HELZ: variants seen among roughly 807,000 people sequenced by gnomAD.
HELZ encodes ATP-dependent RNA helicase with zinc finger domain.
HELZ carries 23 observed loss-of-function variants against 218.2 expected under a neutral mutation model. The observed-to-expected ratio is 0.11, with a 90% CI of 0.08 to 0.15. The LOEUF is 0.15. Ranked by LOEUF, HELZ falls within the 10% of genes least tolerant of loss-of-function variation. The pLI is 1.00. For missense variants in HELZ, 1,813 were observed against 2,353.7 expected (o/e 0.77, Z 4.75); for synonymous variants, 814 against 829.4 (o/e 0.98, Z 0.32).
At chr17:67,118,066 A>G (rs1352813583) in intron 27 of HELZ, among the ~76,000 whole-genome samples, 1 of 152,180 alleles carries the variant, frequency 6.6e-6, no homozygotes, top group Non-Finnish European at 1.5e-5. Flanking sequence ...AATGCAAAAG[A>G]CCTGGAATAG....
chr17:67,197,674 C>G (rs1281792414), intron 7 of HELZ, among the ~76,000 whole-genome samples: 2 of 152,198 alleles, frequency 1.3e-5, no homozygotes, highest in Non-Finnish European at 2.9e-5. Context: ...AAGATGAAAT[C>G]TGGAATATCT....
intron 23 of HELZ, among the ~76,000 whole-genome samples, chr17:67,129,172 A>G (rs148277040): frequency 2.6e-5 from 4 of 152,230 alleles, no homozygotes; most frequent in East Asian, 1.9e-4. Flanking sequence ...TACCCATATA[A>G]TAAGTTTTCA....
chr17:67,160,880 G>T lies in HELZ; in HGVS notation c.2075+17C>A. 1 of 1,563,918 alleles carries T rather than the reference G, an allele frequency of 6.4e-7. No homozygotes were observed. The highest frequency in any genetic ancestry group is 8.7e-7 in the Non-Finnish European group (1 of 1,151,718). ...TATCCTACCAGGGAAATATGAGCAC[G>T]CTTCCCACCCTCTCACCTAGTCTCC... On this transcript the variant is annotated intron_variant, in intron 16 of 32. Coordinates refer to ENST00000358691, the MANE Select transcript of HELZ (RefSeq NM_014877.4).
Position 67,128,767 on chromosome 17 carries a change from C to T in HELZ, c.3271G>A (p.Ala1091Thr). Reference sequence around the variant, plus strand: ...ACATATGTCTTCTTTAGTTCTAAAGCCTCTAACTGGGCTTTGATCTGTTCA... The same window carrying T: ...ACATATGTCTTCTTTAGTTCTAAAGTCTCTAACTGGGCTTTGATCTGTTCA... ...TFEQIKAQLE[A>T]LELKKTYVLN... is the part of the protein sequence containing the mutation. The change falls in exon 24 of 33, where the codon GCT (alanine) becomes ACT (threonine). Residue 1091 changes from alanine to threonine, a missense_variant. Coordinates refer to ENST00000358691, the MANE Select transcript of HELZ (RefSeq NM_014877.4). The T allele has an allele frequency of 6.2e-7, 1 of 1,614,042 alleles. No individual in the cohort carries two copies. The highest frequency in any genetic ancestry group is 1.6e-4 in the Middle Eastern group (1 of 6,062).
At chr17:67,154,920 C>A (rs1182090244) in intron 17 of HELZ, among the ~76,000 whole-genome samples, 2 of 152,146 alleles carry the variant, frequency 1.3e-5, no homozygotes, top group Non-Finnish European at 2.9e-5. Flanking sequence ...GATTTCTGAT[C>A]CTGGCCTACC....
At chr17:67,228,613 G>A (rs1322861682) in intron 3 of HELZ, among the ~76,000 whole-genome samples, 2 of 150,324 alleles carry the variant, frequency 1.3e-5, no homozygotes, top group African/African-American at 4.9e-5. Context: ...AGTGAGCAGA[G>A]ATCACCCCAC....
Position 67,201,196 on chromosome 17 carries a change from G to A in HELZ, c.373-11C>T. On this transcript the variant is annotated splice_polypyrimidine_tract_variant and intron_variant, in intron 6 of 32. Transcript: ENST00000358691. ...TGTTACCATCCCATTCTGAAAGGGTGAATAAAAAAGAGAAGAACCAATTAG... is the reference window on the plus strand; with the variant it reads ...TGTTACCATCCCATTCTGAAAGGGTAAATAAAAAAGAGAAGAACCAATTAG... 6.3e-7 allele frequency: 1 copy of A among 1,577,668 alleles called. No homozygotes were observed.
At chr17:67,182,602 T>G (rs554423928) in intron 12 of HELZ, among the ~76,000 whole-genome samples, 1 of 152,344 alleles carries the variant, frequency 6.6e-6, no homozygotes, top group South Asian at 2.1e-4. Context: ...TGTGTTACCC[T>G]GAGATGTGCT....
intron 21 of HELZ, among the ~76,000 whole-genome samples, chr17:67,140,190 A>G (rs2038279066): frequency 6.6e-6 from 1 of 152,216 alleles, no homozygotes; most frequent in Admixed American, 6.5e-5. Context: ...CCTGGATGGC[A>G]GCATGGATTA....
Position 67,178,799 on chromosome 17 carries a change from G to A in HELZ, c.1290C>T (p.Ile430=). Residue 430 remains isoleucine (I), a synonymous_variant, in exon 13 of 33, where the codon ATC becomes ATT. Transcript: ENST00000358691. The part of the protein sequence containing the change: ...ETTDLEKSLL[I]RYQIPLSADQ... ...CAGCAGAGAGGGGAATTTGGTATCT[G>A]ATAAGAAGGCTCTTCTCCAAATCAG... The A allele has an allele frequency of 6.2e-7, 1 of 1,613,902 alleles. No homozygotes were observed. The highest frequency in any genetic ancestry group is 8.5e-7 in the Non-Finnish European group (1 of 1,179,870).
At chr17:67,181,956 C>T (rs1182532398) in intron 12 of HELZ, among the ~76,000 whole-genome samples, 1 of 151,774 alleles carries the variant, frequency 6.6e-6, no homozygotes, top group Non-Finnish European at 1.5e-5. Flanking sequence ...TTAAAGGTCA[C>T]CTCATAAATA....
In HELZ at chr17:67,244,107, CAAAAACAT is replaced by C. The variant is rs2041399837; in HGVS notation, c.-131-276_-131-269del. 3.1e-5 allele frequency: 16 copies of C among 515,434 alleles called. 1 individual carries two copies. In the South Asian group the frequency reaches 1.3e-3, roughly 43 times the overall value. The allele number at this position is 515,434 out of a possible 1,614,324, so 31.9% of individuals were successfully genotyped here. On this transcript the variant is annotated intron_variant, in intron 1 of 32. Transcript: ENST00000358691. Reference sequence around the variant, plus strand: ...TTTCAACACAGACTGACCTTACTTTCAAAAACATAAAGAAATGAAGGAGAGGAAATTTC... The same window carrying C: ...TTTCAACACAGACTGACCTTACTTTCAAAGAAATGAAGGAGAGGAAATTTC...
chr17:67,234,982 T>C (rs2041139155), intron 3 of HELZ, among the ~76,000 whole-genome samples: 1 of 152,230 alleles, frequency 6.6e-6, no homozygotes, highest in Non-Finnish European at 1.5e-5. Context: ...GTACCTTGTA[T>C]GGCCCCCTTC....
chr17:67,224,866 TA>T, intron 3 of HELZ: 1 of 854,416 alleles, frequency 1.2e-6, no homozygotes, highest in Non-Finnish European at 2.0e-6. Flanking sequence ...ACAGAGTGGC[TA>T]TGGTGGGCAA....
At position 67,172,359 on chromosome 17, in the gene HELZ, A is replaced by C. The variant is rs186253518; in HGVS notation, c.1431-4563T>G. Among the ~76,000 whole-genome samples, 17 of 152,290 alleles carry C rather than the reference A, an allele frequency of 1.1e-4. No individual in the cohort carries two copies. The East Asian group carries it at 3.3e-3, about 29-fold the overall frequency. On this transcript the variant is annotated intron_variant, in intron 13 of 32. Transcript: ENST00000358691. ...GAGTCTGCCTCCACTACTGGATTAC[A>C]AACTTTTGGGGGACAAGGAAACATA... is the stretch of plus-strand genomic sequence containing the variant.
At chr17:67,124,934 A>G (rs1429746906) in intron 24 of HELZ, among the ~76,000 whole-genome samples, 1 of 152,126 alleles carries the variant, frequency 6.6e-6, no homozygotes, top group Non-Finnish European at 1.5e-5. Flanking sequence ...ATTGAGGAAA[A>G]GTAGCACATT....
At position 67,203,432 on chromosome 17, in the gene HELZ, C is replaced by T. The variant is rs760683957; in HGVS notation, c.259G>A (p.Gly87Arg). ...DEDCRHVLGE[G>R]LAKGEDAFRA... ...AAGGCATCTTCTCCCTTGGCCAGTC[C>T]TTCTCCCAGCACTGCCATGAAAGAA... The change falls in exon 6 of 33, where the codon GGA (glycine) becomes AGA (arginine). Residue 87 changes from glycine to arginine, a missense_variant. Physicochemically the swap from Gly to Arg is moderately radical, Grantham distance 125 (BLOSUM62 -2). Coordinates refer to ENST00000358691, the MANE Select transcript of HELZ (RefSeq NM_014877.4). 1.9e-6 allele frequency: 3 copies of T among 1,613,850 alleles called. No homozygotes were observed. In the South Asian group the frequency reaches 3.3e-5, roughly 18 times the overall value.
At chr17:67,166,789 G>A (rs1254218681) in intron 14 of HELZ, among the ~76,000 whole-genome samples, 181 bp from the exon 15 acceptor site, 1 of 151,950 alleles carries the variant, frequency 6.6e-6, no homozygotes. Context: ...TTATAACCAG[G>A]CACTGTAACA....
intron 31 of HELZ, among the ~76,000 whole-genome samples, chr17:67,102,555 T>A (rs1221321949): frequency 6.6e-6 from 1 of 152,156 alleles, no homozygotes; most frequent in Non-Finnish European, 1.5e-5. Context: ...AATAAAAGGA[T>A]CCATAGTGGG....
Sources: allele counts gnomAD v4.1 joint callset (sites outside exome capture counted in the v4.1 genomes callset), GRCh38; gene constraint gnomAD v4.1.1; transcripts MANE v1.5; gene names NCBI Gene and HGNC (gene_info 2026-07-23, HGNC 2026-07-21).